AK5: variants seen among roughly 807,000 people sequenced by gnomAD.
The protein encoded by AK5 is adenylate kinase isoenzyme 5.
A neutral mutation model predicts 69.5 loss-of-function variants in AK5; 27 were observed. The observed-to-expected ratio is 0.39, with a 90% confidence interval of 0.29 to 0.54. AK5 has a LOEUF of 0.54. Among genes scored for constraint, AK5 ranks in the 20% least tolerant of loss-of-function variants. AK5 has a pLI of 0.71. For synonymous variants in AK5, 260 were observed against 244.4 expected (o/e 1.06, Z -0.60); for missense variants, 531 against 700.4 (o/e 0.76, Z 2.73).
intron 8 of AK5, among the ~76,000 whole-genome samples, chr1:77,435,036 C>T (rs1651873450): frequency 6.6e-6 from 1 of 152,084 alleles, no homozygotes; most frequent in Non-Finnish European, 1.5e-5. Flanking sequence ...TCTAGGGCTT[C>T]AAGACAAACA....
intron 5 of AK5, among the ~76,000 whole-genome samples, chr1:77,339,053 A>G (rs545661584): frequency 3.4e-5 from 5 of 148,400 alleles, no homozygotes; most frequent in East Asian, 2.3e-4. Flanking sequence ...CCACTGTGAT[A>G]TGGGAAAAAA....
chr1:77,314,847 T>A (rs958416061), intron 5 of AK5: 1 of 152,112 alleles, frequency 6.6e-6, no homozygotes, highest in African/African-American at 2.4e-5. Context: ...TATTCCAGAT[T>A]ATGAAATGAC....
intron 5 of AK5, among the ~76,000 whole-genome samples, chr1:77,329,211 C>CTT (rs147418037): frequency 8.8e-5 from 12 of 135,880 alleles, no homozygotes; most frequent in African/African-American, 2.7e-4. Flanking sequence ...AAAAAAAAAG[C>CTT]TTTTTTTTTT....
chr1:77,525,682 C>A (rs184757875), intron 12 of AK5, among the ~76,000 whole-genome samples: 2 of 152,188 alleles, frequency 1.3e-5, no homozygotes, highest in Non-Finnish European at 2.9e-5. Flanking sequence ...CCAACACTGG[C>A]GGTCACATTT....
intron 6 of AK5, among the ~76,000 whole-genome samples, chr1:77,373,410 G>A (rs933843268): frequency 3.3e-5 from 5 of 152,096 alleles, no homozygotes; most frequent in African/African-American, 1.2e-4. Flanking sequence ...ATTTGCTGAG[G>A]TAGTGAGTGA....
At chr1:77,485,796 A>G (rs1279208165) in intron 9 of AK5, among the ~76,000 whole-genome samples, 1 of 152,202 alleles carries the variant, frequency 6.6e-6, no homozygotes, top group Non-Finnish European at 1.5e-5. Context: ...ATGTTAAAAT[A>G]AAAATACATT....
At chr1:77,454,290 T>C (rs1653339645) in intron 8 of AK5, among the ~76,000 whole-genome samples, 3 of 152,168 alleles carry the variant, frequency 2.0e-5, no homozygotes, top group Admixed American at 2.0e-4. Context: ...TAGACAGTGT[T>C]GGCTCATTCC....
At chr1:77,324,402 C>T (rs1214804132) in intron 5 of AK5, among the ~76,000 whole-genome samples, 1 of 151,236 alleles carries the variant, frequency 6.6e-6, no homozygotes, top group Non-Finnish European at 1.5e-5. Context: ...TCGTGTATGC[C>T]TATAGAGCCA....
chr1:77,410,531 C>T (rs573334181), intron 6 of AK5, among the ~76,000 whole-genome samples: 16 of 152,236 alleles, frequency 1.1e-4, no homozygotes, highest in Admixed American at 5.2e-4. Flanking sequence ...CTGCCCACCT[C>T]GGCCTCCCAA....
chr1:77,289,486 TA>T (rs1345226221), intron 2 of AK5, among the ~76,000 whole-genome samples: 2 of 152,116 alleles, frequency 1.3e-5, no homozygotes, highest in African/African-American at 4.8e-5. Context: ...TTCTAAACCT[TA>T]AAGTACTAAT....
intron 12 of AK5, among the ~76,000 whole-genome samples, chr1:77,524,323 G>A (rs1374078297): frequency 6.6e-6 from 1 of 152,122 alleles, no homozygotes; most frequent in Non-Finnish European, 1.5e-5. Context: ...AGATCATATG[G>A]TAATTCTATT....
rs539566552 is a variant in AK5 at position 77,284,535 on chromosome 1, T to C, written c.60+2162T>C. Among the ~76,000 whole-genome samples, 307 of 152,378 alleles carry C rather than the reference T, an allele frequency of 2.0e-3. 1 individual carries two copies. Among genetic ancestry groups the C allele is most frequent in the African/African-American group, 7.1e-3 (296 of 41,590 alleles). ...TGTAAGCTAAATGGAATATGGGATA[T>C]CTCTGGTACGTTCATGTTTGAAATG... On this transcript the variant is annotated intron_variant, in intron 1 of 13. Coordinates refer to ENST00000354567, the MANE Select transcript of AK5 (RefSeq NM_174858.3).
chr1:77,353,282 A>G (rs1166123411), intron 6 of AK5, among the ~76,000 whole-genome samples: 2 of 152,168 alleles, frequency 1.3e-5, no homozygotes, highest in Non-Finnish European at 2.9e-5. Context: ...GTTCAAGACC[A>G]GCCTAGCCAA....
chr1:77,490,947 T>C (rs1276704844), intron 10 of AK5, among the ~76,000 whole-genome samples: 1 of 152,094 alleles, frequency 6.6e-6, no homozygotes, highest in Non-Finnish European at 1.5e-5. Context: ...GTGCTCCAAT[T>C]TGGGAAACAC....
chr1:77,377,566 T>A (rs936853720), intron 6 of AK5, among the ~76,000 whole-genome samples: 7 of 152,332 alleles, frequency 4.6e-5, no homozygotes, highest in Non-Finnish European at 1.0e-4. Context: ...CCTAGTCCTT[T>A]CCAACCAATA....
chr1:77,368,477 T>A (rs1463593292), intron 6 of AK5, among the ~76,000 whole-genome samples: 1 of 150,982 alleles, frequency 6.6e-6, no homozygotes, highest in African/African-American at 2.4e-5. Context: ...AAAGCAAAGA[T>A]GTCACTATCT....
chr1:77,506,243 GGTTGGT>G, intron 10 of AK5, among the ~76,000 whole-genome samples: 1 of 151,770 alleles, frequency 6.6e-6, no homozygotes, highest in African/African-American at 2.4e-5. Context: ...TTGGTTGGTT[GGTTGGT>G]TGGTTGTTTT....
At chr1:77,538,217 C>T (rs988632806) in intron 13 of AK5, among the ~76,000 whole-genome samples, 4 of 151,786 alleles carry the variant, frequency 2.6e-5, no homozygotes, top group African/African-American at 9.7e-5. Context: ...TATATGCCTG[C>T]AGTCCCAGCT....
intron 6 of AK5, among the ~76,000 whole-genome samples, chr1:77,372,419 TA>T (rs1647137575): frequency 6.6e-6 from 1 of 152,300 alleles, no homozygotes; most frequent in South Asian, 2.1e-4. Flanking sequence ...GAAAAACAGT[TA>T]TTACATTTCA....
Sources: allele counts gnomAD v4.1 joint callset (sites outside exome capture counted in the v4.1 genomes callset), GRCh38; gene constraint gnomAD v4.1.1; transcripts MANE v1.5; gene names NCBI Gene and HGNC (gene_info 2026-07-23, HGNC 2026-07-21).